Variants in TMEM120A observed in about 807,000 individuals in gnomAD.
TMEM120A encodes ion channel TACAN.
In TMEM120A, 45 loss-of-function variants were observed where a neutral mutation model predicts 54.3. The ratio of observed to expected loss-of-function variants is 0.83; its 90% confidence interval spans 0.65 to 1.06. The LOEUF is 1.06. TMEM120A is among the 50% of genes least tolerant of loss of function. The pLI, the probability that TMEM120A is intolerant of heterozygous loss-of-function variation, is 0.00. For missense variants in TMEM120A, 424 were observed against 441.7 expected (o/e 0.96, Z 0.36); for synonymous variants, 204 against 178.5 (o/e 1.14, Z -1.14).
chr7:75,993,879 A>G (rs1407944995), intron 1 of TMEM120A, among the ~76,000 whole-genome samples: 1 of 152,096 alleles, frequency 6.6e-6, no homozygotes, highest in Non-Finnish European at 1.5e-5. Flanking sequence ...TTCCTCCCGT[A>G]GCTTTCCACT....
chr7:75,988,570 C>G, intron 4 of TMEM120A, 54 bp from the exon 5 acceptor site: 1 of 1,333,438 alleles, frequency 7.5e-7, no homozygotes, highest in Non-Finnish European at 1.1e-6. Context: ...CCCATGTGTG[C>G]CCCCACCCCG....
At position 75,993,018 on chromosome 7, in the gene TMEM120A, TC is replaced by T. The variant is rs1450186534; in HGVS notation, c.82-462del. On this transcript the variant is annotated intron_variant, in intron 1 of 11. Transcript: ENST00000493111. ...GGTTTCACCATGTTGGCCAGGCTGG[TC>T]TTGAACTCCTGACCTCAGGTGATCT... Among the ~76,000 whole-genome samples the T allele has an allele frequency of 2.0e-5, 3 of 152,172 alleles. No individual in the cohort carries two copies. The East Asian group carries it at 5.8e-4, about 29-fold the overall frequency.
At chr7:75,990,224 G>A (rs111654064) in intron 3 of TMEM120A, among the ~76,000 whole-genome samples, 5,229 of 151,980 alleles carry the variant, frequency 0.034, 286 homozygotes, top group African/African-American at 0.12. Flanking sequence ...TCCTCTCCCC[G>A]AAACCCTCTA....
rs1262007664 is a variant in TMEM120A at position 75,992,421 on chromosome 7, G to A, written c.200+18C>T. The A allele has an allele frequency of 2.5e-6, 4 of 1,584,220 alleles. No homozygotes were observed. The highest frequency in any genetic ancestry group is 1.8e-5 in the Admixed American group (1 of 55,232). ...ACCCCACACTCTGCCCATGGCGGGT[G>A]GGGTAGGGGATCCTAACTTCTTCAG... On this transcript the variant is annotated intron_variant, in intron 2 of 11. Transcript: ENST00000493111.
At chr7:75,989,596 C>T (rs909178875) in intron 3 of TMEM120A, among the ~76,000 whole-genome samples, 1 of 152,022 alleles carries the variant, frequency 6.6e-6, no homozygotes, top group African/African-American at 2.4e-5. Context: ...CCCCCAGCTC[C>T]CTGCCACCTC....
rs879988242 is a variant in TMEM120A, at chr7:75,987,481, G to A, written c.850-53C>T. On this transcript the variant is annotated intron_variant, in intron 10 of 11. Transcript: ENST00000493111. Reference sequence around the variant, plus strand: ...GAAGACCCAGTCCCTGCTGGAGCCCGAAACCGGCGCAGAGGACGGACAGAC... The same window carrying A: ...GAAGACCCAGTCCCTGCTGGAGCCCAAAACCGGCGCAGAGGACGGACAGAC... The A allele has an allele frequency of 1.2e-4, 182 of 1,539,680 alleles. 1 individual carries two copies. The highest frequency in any genetic ancestry group is 1.2e-3 in the Admixed American group (56 of 48,438).
rs369907604 is a variant in TMEM120A, at chr7:75,987,531, G to A, written c.849+7C>T. On this transcript the variant is annotated splice_region_variant and intron_variant, in intron 10 of 11. Coordinates refer to ENST00000493111, the MANE Select transcript of TMEM120A (RefSeq NM_031925.3). ...CAGACAGGCAGGGACACAGAGGCAC[G>A]ACTTACGTGTCCAAAGAAAAGAAAA... 61 of 1,586,574 alleles carry A rather than the reference G, an allele frequency of 3.8e-5. No homozygotes were observed. Among genetic ancestry groups the A allele is most frequent in the African/African-American group, 9.4e-5 (7 of 74,138 alleles).
At position 75,992,563 on chromosome 7, in the gene TMEM120A, G is replaced by C; in HGVS notation, c.82-6C>G. ...CGGTAGAGCCGATGGGTCTCCTGGG[G>C]GCCGGAGGGGAGAGGCTCAGGCCAG... On this transcript the variant is annotated splice_polypyrimidine_tract_variant and splice_region_variant and intron_variant, in intron 1 of 11. Coordinates refer to ENST00000493111, the MANE Select transcript of TMEM120A (RefSeq NM_031925.3). 1.3e-6 allele frequency: 2 copies of C among 1,560,244 alleles called. No homozygotes were observed. Among genetic ancestry groups the C allele is most frequent in the African/African-American group, 2.7e-5 (2 of 73,726 alleles).
intron 1 of TMEM120A, 53 bp from the exon 2 acceptor site, chr7:75,992,610 G>C: frequency 7.2e-7 from 1 of 1,380,772 alleles, no homozygotes; most frequent in East Asian, 2.5e-5. Flanking sequence ...CTGAGCCAGA[G>C]CCTGCAGGCA....
Position 75,987,207 on chromosome 7 carries a change from A to G in TMEM120A, c.997T>C (p.Phe333Leu), listed in dbSNP as rs1585138230. The G allele has an allele frequency of 1.2e-6, 2 of 1,608,302 alleles. No individual in the cohort carries two copies. Among genetic ancestry groups the G allele is most frequent in the Non-Finnish European group, 1.7e-6 (2 of 1,178,004 alleles). ...TTGCTCCCGTGCCGCTGACTGTGAA[A>G]CTTGTGGTGCACAACCCTCAGGGTG... ...FTTLRVVHHK[F>L]HSQRHGSKKD The change falls in exon 12 of 12, where the codon TTT becomes CTT. Residue 333 changes from phenylalanine to leucine, a missense_variant. Physicochemically the swap from Phe to Leu is conservative, Grantham distance 22. Coordinates refer to ENST00000493111, the MANE Select transcript of TMEM120A (RefSeq NM_031925.3).
intron 3 of TMEM120A, among the ~76,000 whole-genome samples, chr7:75,991,315 C>T (rs751696454): frequency 2.0e-5 from 3 of 152,204 alleles, no homozygotes; most frequent in Non-Finnish European, 4.4e-5. Flanking sequence ...CCTCCCGCCC[C>T]GACCTCTGGC....
chr7:75,987,626 C>G, intron 9 of TMEM120A, 24 bp from the exon 10 acceptor site: 1 of 1,605,402 alleles, frequency 6.2e-7, no homozygotes, highest in Non-Finnish European at 8.5e-7. Context: ...GGTCAGGGCA[C>G]AGGACGGCCA....
intron 3 of TMEM120A, among the ~76,000 whole-genome samples, chr7:75,991,745 A>G (rs542547585): frequency 1.2e-4 from 19 of 152,094 alleles, no homozygotes; most frequent in African/African-American, 4.3e-4. Context: ...GGGTCTCAGT[A>G]TGTCACCCAG....
chr7:75,988,553 G>A (rs1789657544), intron 4 of TMEM120A, 37 bp from the exon 5 acceptor site: 3 of 1,501,808 alleles, frequency 2.0e-6, no homozygotes, highest in Non-Finnish European at 2.7e-6. Context: ...GTGGGGTGCT[G>A]GTGGGGCCCA....
At chr7:75,989,719 C>T (rs1295781446) in intron 3 of TMEM120A, among the ~76,000 whole-genome samples, 1 of 152,036 alleles carries the variant, frequency 6.6e-6, no homozygotes, top group East Asian at 1.9e-4. Context: ...GTGGGCTGAC[C>T]CCAAGTACTC....
At chr7:75,994,050 C>T (rs1233326268) in intron 1 of TMEM120A, among the ~76,000 whole-genome samples, 2 of 151,434 alleles carry the variant, frequency 1.3e-5, no homozygotes, top group Non-Finnish European at 2.9e-5. Flanking sequence ...CGGCGGCGCG[C>T]GGTATCCCTC....
At chr7:75,990,998 T>C (rs1328694111) in intron 3 of TMEM120A, among the ~76,000 whole-genome samples, 2 of 151,288 alleles carry the variant, frequency 1.3e-5, no homozygotes, top group Non-Finnish European at 2.9e-5. Context: ...TTCCACCAAA[T>C]GGTTCTGCCA....
chr7:75,990,064 T>G (rs1789776065), intron 3 of TMEM120A, among the ~76,000 whole-genome samples: 1 of 152,086 alleles, frequency 6.6e-6, no homozygotes, highest in Non-Finnish European at 1.5e-5. Flanking sequence ...ACAAAGAACT[T>G]CTGGGACAGC....
intron 3 of TMEM120A, among the ~76,000 whole-genome samples, 192 bp from the exon 4 acceptor site, chr7:75,989,416 C>T (rs1174753374): frequency 6.6e-6 from 1 of 151,688 alleles, no homozygotes; most frequent in African/African-American, 2.4e-5. Context: ...GCCTTCCTGG[C>T]CGCCTGCTCC....
Sources: gnomAD v4.1 joint callset for allele counts (sites outside exome capture counted in the v4.1 genomes callset) on GRCh38, gnomAD v4.1.1 for gene constraint, MANE v1.5 for transcripts, NCBI Gene and HGNC (gene_info 2026-07-23, HGNC 2026-07-21) for gene names.